The following SLC41A1 variants were observed in gnomAD, a reference collection of about 807,000 sequenced individuals.
SLC41A1 encodes the protein solute carrier family 41 member 1, also known as solute carrier family 41 (magnesium transporter), member 1.
In SLC41A1, 20 loss-of-function variants were observed where a neutral mutation model predicts 47.3. The ratio of observed to expected loss-of-function variants is 0.42; its 90% CI spans 0.30 to 0.61. The LOEUF is 0.61. SLC41A1 is among the 20% of genes least tolerant of loss of function. The pLI, the probability that SLC41A1 is intolerant of heterozygous loss-of-function variation, is 0.17. For synonymous variants in SLC41A1, 282 were observed against 272.7 expected (o/e 1.03, Z -0.34); for missense variants, 504 against 674.1 (o/e 0.75, Z 2.79).
intron 4 of SLC41A1, 61 bp from the exon 5 acceptor site, chr1:205,799,162 C>A: frequency 6.2e-7 from 1 of 1,607,410 alleles, no homozygotes; most frequent in South Asian, 1.1e-5. Context: ...AAGCTGAGGT[C>A]ATAAGCATCT....
intron 2 of SLC41A1, among the ~76,000 whole-genome samples, chr1:205,806,469 A>C (rs1025881750): frequency 4.6e-5 from 7 of 152,246 alleles, no homozygotes; most frequent in Middle Eastern, 3.2e-3. Flanking sequence ...CTGGGAATTA[A>C]AGTGCAGATG....
intron 10 of SLC41A1, among the ~76,000 whole-genome samples, chr1:205,793,415 C>G (rs1484775447): frequency 2.0e-5 from 3 of 152,186 alleles, no homozygotes; most frequent in African/African-American, 7.2e-5. Flanking sequence ...ACCACAGACC[C>G]CTGGCATATC....
At chr1:205,799,513 A>T (rs910455658) in intron 4 of SLC41A1, among the ~76,000 whole-genome samples, 4 of 152,104 alleles carry the variant, frequency 2.6e-5, no homozygotes, top group Non-Finnish European at 5.9e-5. Context: ...TATTGCCAGG[A>T]TCTGCTGGGA....
At chr1:205,793,596 G>A (rs1039271870) in intron 10 of SLC41A1, among the ~76,000 whole-genome samples, 8 of 152,200 alleles carry the variant, frequency 5.3e-5, no homozygotes, top group African/African-American at 1.7e-4. Flanking sequence ...GGAGGGATAG[G>A]TGTTAATCAA....
chr1:205,794,765 G>C, intron 10 of SLC41A1, 105 bp downstream of exon 10: 2 of 1,464,744 alleles, frequency 1.4e-6, no homozygotes, highest in Non-Finnish European at 1.9e-6. Flanking sequence ...CCCTGACACA[G>C]AGAAAGAGGA....
At position 205,801,632 on chromosome 1, in the gene SLC41A1, T is replaced by C. The variant is rs190786365; in HGVS notation, c.373-572A>G. ...AGACTGTGGCCCCTAAACCTCTGAA[T>C]GCTGGCCTGCAAGAGGCTTTTTATT... On this transcript the variant is annotated intron_variant, in intron 2 of 10. Coordinates refer to ENST00000367137, the MANE Select transcript of SLC41A1 (RefSeq NM_173854.6). 504 of 165,990 alleles carry C rather than the reference T, an allele frequency of 3.0e-3. 2 individuals carry two copies. The highest frequency in any genetic ancestry group is 0.011 in the African/African-American group (479 of 41,700). The allele number at this position is 165,990 out of a possible 1,614,324, so 10.3% of individuals were successfully genotyped here.
intron 1 of SLC41A1, among the ~76,000 whole-genome samples, chr1:205,811,811 C>G (rs1656162918): frequency 2.0e-5 from 3 of 152,210 alleles, no homozygotes. Flanking sequence ...CTCTCCCCGT[C>G]TCCCCCTGCT....
intron 2 of SLC41A1, among the ~76,000 whole-genome samples, chr1:205,808,208 G>C (rs1397572150): frequency 6.6e-6 from 1 of 152,048 alleles, no homozygotes; most frequent in African/African-American, 2.4e-5. Context: ...CGCCCGTCTT[G>C]ACCTCCCAAA....
chr1:205,810,390 G>A lies in SLC41A1; in HGVS notation c.52C>T (p.Pro18Ser), dbSNP rs981475846. ...KDVHQLNGTG[P>S]SASPCSSDGP... ...TCTGAAGAGCAGGGAGAGGCAGAAG[G>A]GCCAGTCCCGTTCAGTTGGTGGACG... The change falls in exon 2 of 11, where the codon CCT becomes TCT. Residue 18 changes from proline (P) to serine (S), a missense_variant. Pro to Ser is a moderately conservative substitution (Grantham distance 74). Transcript: ENST00000367137. This position sits in a 1 kb window ranked among gnomAD's most constrained non-coding sequence, Gnocchi z 5.5. The A allele has an allele frequency of 3.7e-6, 6 of 1,614,178 alleles. No homozygotes were observed. Among genetic ancestry groups the A allele is most frequent in the Non-Finnish European group, 5.1e-6 (6 of 1,180,038 alleles).
At chr1:205,800,643 C>G (rs1344153955) in intron 3 of SLC41A1, among the ~76,000 whole-genome samples, 2 of 152,184 alleles carry the variant, frequency 1.3e-5, no homozygotes, top group Non-Finnish European at 2.9e-5. Context: ...CAGCATGATG[C>G]CTGCCTGTCA....
In SLC41A1 at chr1:205,797,013, C is replaced by CATA; in HGVS notation, c.993-13_993-11dup. The CATA allele has an allele frequency of 1.9e-6, 3 of 1,575,616 alleles. No individual in the cohort carries two copies. In the South Asian group the frequency reaches 3.4e-5, roughly 18 times the overall value. On this transcript the variant is annotated splice_polypyrimidine_tract_variant and intron_variant, in intron 7 of 10. Coordinates refer to ENST00000367137, the MANE Select transcript of SLC41A1 (RefSeq NM_173854.6). ...GATGAGGCCTCCCACACTATAGAGA[C>CATA]ATAAAGACAAAATGACGCAAAGACC... is the stretch of plus-strand genomic sequence containing the variant.
chr1:205,798,632 C>T (rs755804522), intron 6 of SLC41A1, 37 bp downstream of exon 6: 2 of 1,614,148 alleles, frequency 1.2e-6, no homozygotes, highest in East Asian at 4.5e-5. Flanking sequence ...CCCAACCCCA[C>T]CCAGGACTCC....
rs914624420 is a variant in SLC41A1, at chr1:205,789,794, G to A, written c.*1739C>T. 3 of 152,226 alleles carry A rather than the reference G, an allele frequency of 2.0e-5. No homozygotes were observed. The highest frequency in any genetic ancestry group is 7.2e-5 in the African/African-American group (3 of 41,452). The allele number at this position is 152,226 out of a possible 1,614,324, so 9.4% of individuals were successfully genotyped here. On this transcript the variant is annotated 3_prime_UTR_variant, in exon 11 of 11. Transcript: ENST00000367137. ...GTTCCTGGGATAAGGTGCAGTGTTG[G>A]TAGAAACAGGATCATTGCCTAAGCC...
Position 205,810,479 on chromosome 1 carries a change from C to T in SLC41A1, c.-38G>A, listed in dbSNP as rs748608364. ...GGAGGGGAAGGGAGAACTTTCCTCT[C>T]TTCTTTTTGCTTTCTCTCTTCTTCT... On this transcript the variant is annotated 5_prime_UTR_variant, in exon 2 of 11. Coordinates refer to ENST00000367137, the MANE Select transcript of SLC41A1 (RefSeq NM_173854.6). The surrounding 1 kb of genome is among the most constrained non-coding windows in gnomAD (Gnocchi z 5.5). The T allele has an allele frequency of 6.2e-7, 1 of 1,613,746 alleles. No individual in the cohort carries two copies. The highest frequency in any genetic ancestry group is 8.5e-7 in the Non-Finnish European group (1 of 1,180,032).
Position 205,810,987 on chromosome 1 carries a change from C to T in SLC41A1, c.-546G>A, listed in dbSNP as rs148331318. On this transcript the variant is annotated 5_prime_UTR_variant, in exon 2 of 11. Transcript: ENST00000367137. The surrounding 1 kb of genome is among the most constrained non-coding windows in gnomAD (Gnocchi z 5.5). Reference sequence around the variant, plus strand: ...CTGCTGGTCCCAGCGCAGCGTCTGCCGTCTTTCCCTTCTCTTCCAGAAACT... The same window carrying T: ...CTGCTGGTCCCAGCGCAGCGTCTGCTGTCTTTCCCTTCTCTTCCAGAAACT... The T allele has an allele frequency of 1.6e-3, 257 of 160,864 alleles. 2 individuals are homozygous for T. Among genetic ancestry groups the T allele is most frequent in the African/African-American group, 5.5e-3 (227 of 41,634 alleles). 10.0% of individuals were successfully genotyped at this position (160,864 alleles called of 1,614,324 possible). A position where few individuals can be genotyped will look rare whatever the true frequency, so the allele number is the denominator to read the frequency against.
At chr1:205,807,815 CCTGA>C (rs1000898862) in intron 2 of SLC41A1, among the ~76,000 whole-genome samples, 53 of 146,382 alleles carry the variant, frequency 3.6e-4, no homozygotes, top group South Asian at 2.1e-4. Flanking sequence ...TGCCACCATG[CCTGA>C]CTATTTTTTT....
At chr1:205,804,322 G>A (rs1232346082) in intron 2 of SLC41A1, among the ~76,000 whole-genome samples, 1 of 152,120 alleles carries the variant, frequency 6.6e-6, no homozygotes, top group Non-Finnish European at 1.5e-5. Flanking sequence ...TTTCACTGGG[G>A]CTGGAGCATA....
rs1655725722 is a variant in SLC41A1 at position 205,795,412 on chromosome 1, A to T, written c.1139T>A (p.Met380Lys). 1.9e-6 allele frequency: 3 copies of T among 1,614,112 alleles called. No homozygotes were observed. In the African/African-American group the frequency reaches 4.0e-5, roughly 22 times the overall value. Residue 380 changes from methionine (M) to lysine (K), a missense_variant, in exon 9 of 11, where the codon ATG (methionine) becomes AAG (lysine). Physicochemically the swap from Met to Lys is moderately conservative, Grantham distance 95. This residue lies in a region of SLC41A1 where 421 missense variants were observed against 601.6 expected (regional missense o/e 0.70). Transcript: ENST00000367137. Reference sequence around the variant, plus strand: ...AGCTTGCTCAGAGTTCTCTCCGGGCATTCCATTCATGTGCAGGAAGGTGGA... The same window carrying T: ...AGCTTGCTCAGAGTTCTCTCCGGGCTTTCCATTCATGTGCAGGAAGGTGGA... Reference protein sequence around the residue: ...RISTFLHMNGMPGENSEQAPR... With the variant: ...RISTFLHMNGKPGENSEQAPR...
Position 205,791,807 on chromosome 1 carries a change from C to G in SLC41A1, c.1357-89G>C. 3 of 1,506,306 alleles carry G rather than the reference C, an allele frequency of 2.0e-6. No individual in the cohort carries two copies. The South Asian group carries it at 3.6e-5, about 18-fold the overall frequency. 93.3% of individuals were successfully genotyped at this position (1,506,306 alleles called of 1,614,324 possible). On this transcript the variant is annotated intron_variant, in intron 10 of 10. Coordinates refer to ENST00000367137, the MANE Select transcript of SLC41A1 (RefSeq NM_173854.6). This position sits in a 1 kb window ranked among gnomAD's most constrained non-coding sequence, Gnocchi z 4.0. ...ATGATCAGACCCATTCAGTGCATCA[C>G]AGGGCTTGGCTGGCCATAATCCTTA...
Sources: gnomAD v4.1 joint callset for allele counts (sites outside exome capture counted in the v4.1 genomes callset) on GRCh38, gnomAD v4.1.1 for gene constraint, gnomAD v4.1.1 regional missense constraint, Gnocchi (gnomAD v3.1) non-coding constraint, MANE v1.5 for transcripts, NCBI Gene and HGNC (gene_info 2026-07-23, HGNC 2026-07-21) for gene names.